The following ROBO1 variants were observed in gnomAD, a reference collection of about 807,000 sequenced individuals.
ROBO1 encodes roundabout guidance receptor 1, also known as roundabout homolog 1.
Under a neutral mutation model 195.9 loss-of-function variants are expected in ROBO1, and 149 were observed. The observed-to-expected ratio is 0.76, with a 90% CI of 0.67 to 0.87. ROBO1 has a LOEUF of 0.87. Among genes scored for constraint, ROBO1 ranks in the 40% least tolerant of loss-of-function variants. ROBO1 has a pLI of 0.00. For synonymous variants in ROBO1, 816 were observed against 733.2 expected, an observed-to-expected ratio of 1.11 and a Z score of -1.82; for missense variants, 1,933 against 2,068.3, an observed-to-expected ratio of 0.93 and a Z score of 1.27.
intron 4 of ROBO1, among the ~76,000 whole-genome samples, chr3:78,761,821 ACACT>A (rs2083112628): frequency 6.6e-6 from 1 of 152,156 alleles, no homozygotes; most frequent in African/African-American, 2.4e-5. Context: ...AAGAAGTCAC[ACACT>A]CACATTATAA....
chr3:78,847,545 A>G (rs1002339569), intron 4 of ROBO1, among the ~76,000 whole-genome samples: 2 of 152,206 alleles, frequency 1.3e-5, no homozygotes, highest in Non-Finnish European at 2.9e-5. Flanking sequence ...CTTCTCCAAA[A>G]TAATTATAAA....
chr3:79,736,268 G>A (rs1703385013), intron 1 of ROBO1, among the ~76,000 whole-genome samples: 1 of 152,212 alleles, frequency 6.6e-6, no homozygotes, highest in African/African-American at 2.4e-5. Context: ...TACTGAGGCT[G>A]AAACTAATGA....
chr3:79,185,570 T>C (rs953752343), intron 2 of ROBO1, among the ~76,000 whole-genome samples: 2 of 152,146 alleles, frequency 1.3e-5, no homozygotes, highest in Admixed American at 1.3e-4. Flanking sequence ...AGCTAAACAG[T>C]TGAGATTAGA....
chr3:78,989,220 T>C (rs2077179862), intron 3 of ROBO1, among the ~76,000 whole-genome samples: 1 of 152,188 alleles, frequency 6.6e-6, no homozygotes. Context: ...TTTGAGAGGA[T>C]GGATATGCTT....
At chr3:78,744,408 G>A (rs2082606285) in intron 5 of ROBO1, among the ~76,000 whole-genome samples, 1 of 152,172 alleles carries the variant, frequency 6.6e-6, no homozygotes, top group Non-Finnish European at 1.5e-5. Context: ...CCACGTTTCA[G>A]TGTGTTCTCA....
intron 2 of ROBO1, among the ~76,000 whole-genome samples, chr3:79,395,340 A>AAAAAGAAAG (rs71631648): frequency 1.7e-4 from 20 of 119,064 alleles, no homozygotes; most frequent in Non-Finnish European, 2.7e-4. Flanking sequence ...AAAAAAAAAA[A>AAAAAGAAAG]AAAGAAAGAA....
chr3:78,802,347 G>T (rs1214614145), intron 4 of ROBO1, among the ~76,000 whole-genome samples: 1 of 152,062 alleles, frequency 6.6e-6, no homozygotes. Context: ...ACACAAAGGG[G>T]CTTTCCAGAT....
chr3:78,945,775 A>C (rs1489167039), intron 3 of ROBO1, among the ~76,000 whole-genome samples: 1 of 152,176 alleles, frequency 6.6e-6, no homozygotes. Context: ...CTTTGAAAAA[A>C]TATTAGATGA....
Position 79,233,846 on chromosome 3 carries a change from A to AG in ROBO1, c.89-108308_89-108307insC, listed in dbSNP as rs2082360888. 3.9e-5 allele frequency among the ~76,000 whole-genome samples: 6 copies of AG among 152,188 alleles called. No individual in the cohort carries two copies. The East Asian group carries it at 7.7e-4, about 20-fold the overall frequency. On this transcript the variant is annotated intron_variant, in intron 2 of 30. Coordinates refer to ENST00000464233, the MANE Select transcript of ROBO1 (RefSeq NM_002941.4). ...CCCTTTTCTCTGCAGCCTCAACAGC[A>AG]ACTTGTTTTTTGACTTTTTAATAAT...
At chr3:78,613,700 T>C (rs1336453048) in intron 28 of ROBO1, among the ~76,000 whole-genome samples, 1 of 152,194 alleles carries the variant, frequency 6.6e-6, no homozygotes, top group African/African-American at 2.4e-5. Flanking sequence ...AATTCTTCTG[T>C]CAAGTGGTAG....
intron 2 of ROBO1, among the ~76,000 whole-genome samples, chr3:79,545,608 A>T (rs1368805935): frequency 1.3e-5 from 2 of 152,216 alleles, no homozygotes; most frequent in Non-Finnish European, 2.9e-5. Flanking sequence ...TAAATATGTG[A>T]TAATTATTTT....
intron 2 of ROBO1, among the ~76,000 whole-genome samples, chr3:79,572,199 T>C (rs778339864): frequency 2.0e-5 from 3 of 152,014 alleles, no homozygotes; most frequent in Admixed American, 6.6e-5. Flanking sequence ...TCAAGATCCA[T>C]ACATTAAATA....
intron 8 of ROBO1, among the ~76,000 whole-genome samples, chr3:78,701,274 T>G (rs1347680713): frequency 6.6e-6 from 1 of 152,222 alleles, no homozygotes; most frequent in Non-Finnish European, 1.5e-5. Context: ...GCATAATTAC[T>G]CTGCTTGTAT....
intron 2 of ROBO1, among the ~76,000 whole-genome samples, chr3:79,529,235 C>G (rs958339014): frequency 6.6e-6 from 1 of 152,110 alleles, no homozygotes; most frequent in Non-Finnish European, 1.5e-5. Context: ...GTAATCCCAG[C>G]ATTTTCTGAG....
chr3:78,703,193 AAAAACAAAAC>A (rs533932635), intron 8 of ROBO1, among the ~76,000 whole-genome samples: 3 of 152,240 alleles, frequency 2.0e-5, no homozygotes, highest in Admixed American at 1.3e-4. Context: ...TCCTCTAGGG[AAAAACAAAAC>A]AAAACAAAAC....
intron 2 of ROBO1, among the ~76,000 whole-genome samples, chr3:79,149,510 G>GTGTT (rs1180235783): frequency 7.4e-6 from 1 of 134,484 alleles, no homozygotes; most frequent in African/African-American, 2.5e-5. Context: ...TCTTCGAACT[G>GTGTT]TGTTTGTTGT....
At chr3:79,689,731 A>T (rs1302416277) in intron 1 of ROBO1, among the ~76,000 whole-genome samples, 1 of 152,070 alleles carries the variant, frequency 6.6e-6, no homozygotes, top group Non-Finnish European at 1.5e-5. Context: ...ATATGCTAAT[A>T]CTTTCCCCAG....
intron 4 of ROBO1, among the ~76,000 whole-genome samples, chr3:78,808,491 C>T (rs1271649667): frequency 6.6e-6 from 1 of 152,142 alleles, no homozygotes; most frequent in East Asian, 1.9e-4. Context: ...GCATGAGCCA[C>T]CATGCCCTGC....
intron 1 of ROBO1, among the ~76,000 whole-genome samples, chr3:79,682,268 T>C (rs1946972176): frequency 6.6e-6 from 1 of 152,018 alleles, no homozygotes; most frequent in African/African-American, 2.4e-5. Context: ...ATAATTCATA[T>C]ACTTTCTGAA....
Sources: gnomAD v4.1 joint callset for allele counts (sites outside exome capture counted in the v4.1 genomes callset) on GRCh38, gnomAD v4.1.1 for gene constraint, MANE v1.5 for transcripts, NCBI Gene and HGNC (gene_info 2026-07-23, HGNC 2026-07-21) for gene names.